The following STXBP5L variants were observed in gnomAD, a reference collection of about 807,000 sequenced individuals.
The protein encoded by STXBP5L is syntaxin binding protein 5L.
Under a neutral mutation model 144.5 loss-of-function variants are expected in STXBP5L, and 65 were observed. The ratio of observed to expected loss-of-function variants is 0.45; its 90% confidence interval spans 0.37 to 0.55. STXBP5L has a LOEUF of 0.55. Among genes scored for constraint, STXBP5L ranks in the 20% least tolerant of loss-of-function variants. STXBP5L has a pLI of 0.00. For missense variants in STXBP5L, 1,298 were observed against 1,405.5 expected, an observed-to-expected ratio of 0.92 and a Z score of 1.22; for synonymous variants, 505 against 469.6, an observed-to-expected ratio of 1.08 and a Z score of -0.97.
chr3:121,012,482 C>G lies in STXBP5L; in HGVS notation c.288-29218C>G, dbSNP rs1944849495. On this transcript the variant is annotated intron_variant, in intron 3 of 26. Coordinates refer to ENST00000471454, the MANE Select transcript of STXBP5L (RefSeq NM_001308330.2). ...TATATCTTCCATATGGATATCTTTA[C>G]CAACACTTGCTATTGTTTATTTTTT... 2.0e-5 allele frequency among the ~76,000 whole-genome samples: 3 copies of G among 151,808 alleles called. No individual in the cohort carries two copies. The South Asian group carries it at 6.2e-4, about 31-fold the overall frequency.
At chr3:120,931,006 C>G (rs879710513) in intron 2 of STXBP5L, among the ~76,000 whole-genome samples, 4 of 151,940 alleles carry the variant, frequency 2.6e-5, no homozygotes, top group Non-Finnish European at 4.4e-5. Flanking sequence ...GCTATGTAGA[C>G]TAGGTTCTGG....
chr3:121,288,682 T>TA (rs2108458710), intron 19 of STXBP5L, among the ~76,000 whole-genome samples: 1 of 152,204 alleles, frequency 6.6e-6, no homozygotes, highest in East Asian at 1.9e-4. Flanking sequence ...TACTTTTTAA[T>TA]AAAATCATTT....
chr3:120,982,540 G>T (rs780976146), intron 3 of STXBP5L, among the ~76,000 whole-genome samples: 4 of 152,180 alleles, frequency 2.6e-5, no homozygotes, highest in Non-Finnish European at 4.4e-5. Context: ...AGACATGGTT[G>T]TCTACCTCCA....
chr3:121,129,803 C>T (rs569211990), intron 7 of STXBP5L, among the ~76,000 whole-genome samples: 10 of 151,942 alleles, frequency 6.6e-5, no homozygotes, highest in South Asian at 2.1e-4. Context: ...GCAGACCTGG[C>T]GAGTACCTTT....
intron 19 of STXBP5L, among the ~76,000 whole-genome samples, chr3:121,300,634 CAGAG>C (rs1348199398): frequency 1.3e-5 from 2 of 151,242 alleles, no homozygotes; most frequent in Non-Finnish European, 2.9e-5. Context: ...GAAAATAAAA[CAGAG>C]AGGTGTAGCT....
In STXBP5L at chr3:121,017,686, A is replaced by G. The variant is rs187559989; in HGVS notation, c.288-24014A>G. On this transcript the variant is annotated intron_variant, in intron 3 of 26. Transcript: ENST00000471454. ...AGTACCATTTACATTGGCATCTAAA[A>G]TAACTGAAATACTTATATATAAATG... Among the ~76,000 whole-genome samples, 5 of 152,350 alleles carry G rather than the reference A, an allele frequency of 3.3e-5. No homozygotes were observed. In the East Asian group the frequency reaches 7.7e-4, roughly 24 times the overall value.
At chr3:121,267,271 T>C (rs754160334) in intron 18 of STXBP5L, among the ~76,000 whole-genome samples, 43 of 152,138 alleles carry the variant, frequency 2.8e-4, no homozygotes, top group Non-Finnish European at 5.6e-4. Context: ...TTTACAACCA[T>C]CTGATCTTTG....
intron 3 of STXBP5L, among the ~76,000 whole-genome samples, chr3:120,983,167 GGCA>G (rs1941960232): frequency 6.6e-6 from 1 of 152,202 alleles, no homozygotes; most frequent in African/African-American, 2.4e-5. Flanking sequence ...GGGTGGCAGA[GGCA>G]GCAGGGATGG....
Position 121,378,746 on chromosome 3 carries a change from C to T in STXBP5L, c.2207C>T (p.Thr736Ile). 6.2e-7 allele frequency: 1 copy of T among 1,613,712 alleles called. No homozygotes were observed. Among genetic ancestry groups the T allele is most frequent in the South Asian group, 1.1e-5 (1 of 91,070 alleles). ...DHVNGHCTSPTSQSCSSGKRL... is the reference protein window; with the variant it reads ...DHVNGHCTSPISQSCSSGKRL... ...GTAAATGGACACTGCACAAGTCCAA[C>T]TTCTCAGAGTTGCAGTTCTGGAAAA... Residue 736 changes from threonine (T) to isoleucine (I), a missense_variant, in exon 21 of 27, where the codon ACT becomes ATT. Thr to Ile is a moderately conservative substitution (Grantham distance 89, BLOSUM62 -1). Transcript: ENST00000471454.
At chr3:121,332,879 A>G (rs1403259903) in intron 20 of STXBP5L, among the ~76,000 whole-genome samples, 3 of 152,154 alleles carry the variant, frequency 2.0e-5, no homozygotes, top group Non-Finnish European at 4.4e-5. Context: ...AAAAAGCATC[A>G]GGTAACCTAT....
intron 22 of STXBP5L, among the ~76,000 whole-genome samples, chr3:121,389,427 C>G (rs992718372): frequency 1.3e-5 from 2 of 152,166 alleles, no homozygotes. Context: ...CTTCTGTTAG[C>G]TTTTGAATTT....
intron 7 of STXBP5L, among the ~76,000 whole-genome samples, chr3:121,138,372 T>G (rs1159062947): frequency 6.6e-6 from 1 of 152,102 alleles, no homozygotes; most frequent in Non-Finnish European, 1.5e-5. Context: ...TCTATCAAAA[T>G]ACCAATACCA....
chr3:121,304,045 A>C (rs2043244383), intron 19 of STXBP5L, among the ~76,000 whole-genome samples: 1 of 152,022 alleles, frequency 6.6e-6, no homozygotes, highest in Non-Finnish European at 1.5e-5. Context: ...AAATACGTTG[A>C]AAGTAAAAGA....
At chr3:121,298,814 GA>G (rs758469812) in intron 19 of STXBP5L, among the ~76,000 whole-genome samples, 4 of 152,188 alleles carry the variant, frequency 2.6e-5, no homozygotes, top group Non-Finnish European at 5.9e-5. Context: ...TATACAAGAT[GA>G]ACAAGTTCTA....
intron 3 of STXBP5L, among the ~76,000 whole-genome samples, chr3:121,035,802 T>C (rs1946707270): frequency 6.6e-6 from 1 of 152,192 alleles, no homozygotes; most frequent in Non-Finnish European, 1.5e-5. Context: ...GGAAGTATTG[T>C]CATTTTAATG....
chr3:121,240,309 A>G (rs1559896054), intron 13 of STXBP5L, 131 bp from the exon 14 acceptor site: 10 of 728,986 alleles, frequency 1.4e-5, no homozygotes, highest in South Asian at 1.0e-4. Flanking sequence ...ACAGCTACAC[A>G]CTTCATTCTT....
chr3:121,380,276 GACAA>G (rs1182775047), intron 21 of STXBP5L, among the ~76,000 whole-genome samples: 4 of 152,040 alleles, frequency 2.6e-5, no homozygotes, highest in African/African-American at 4.8e-5. Flanking sequence ...TAAATTTTAT[GACAA>G]ACAATTATTT....
intron 3 of STXBP5L, among the ~76,000 whole-genome samples, chr3:120,977,792 C>T (rs931025035): frequency 1.3e-5 from 2 of 152,092 alleles, no homozygotes; most frequent in African/African-American, 4.8e-5. Context: ...TTTATTTCTC[C>T]TTCATTTATG....
At chr3:120,966,360 A>C (rs1939573924) in intron 3 of STXBP5L, among the ~76,000 whole-genome samples, 1 of 152,084 alleles carries the variant, frequency 6.6e-6, no homozygotes, top group South Asian at 2.1e-4. Flanking sequence ...GGGAAGTGGC[A>C]GTTTGATTTT....
Sources: allele counts gnomAD v4.1 joint callset (sites outside exome capture counted in the v4.1 genomes callset), GRCh38; gene constraint gnomAD v4.1.1; transcripts MANE v1.5; gene names NCBI Gene and HGNC (gene_info 2026-07-23, HGNC 2026-07-21).